Variants in MYO16 observed in about 807,000 individuals in gnomAD.
MYO16 encodes unconventional myosin-XVI.
In MYO16, 94 loss-of-function variants were observed where a neutral mutation model predicts 205.3. The observed-to-expected ratio is 0.46, with a 90% CI of 0.39 to 0.54. The LOEUF (loss-of-function observed/expected upper bound fraction) is 0.54. Ranked by LOEUF, MYO16 falls within the 20% of genes least tolerant of loss-of-function variation. The pLI is 0.00. For missense variants in MYO16, 2,315 were observed against 2,387.5 expected, an observed-to-expected ratio of 0.97 and a Z score of 0.63; for synonymous variants, 988 against 954.0, an observed-to-expected ratio of 1.04 and a Z score of -0.66.
At chr13:109,009,600 A>G (rs916430817) in intron 22 of MYO16, among the ~76,000 whole-genome samples, 2 of 152,180 alleles carry the variant, frequency 1.3e-5, no homozygotes, top group South Asian at 4.1e-4. Context: ...ATAAGCCAAA[A>G]TCTATCACAT....
At chr13:109,082,349 T>C (rs1312796205) in intron 27 of MYO16, among the ~76,000 whole-genome samples, 2 of 152,200 alleles carry the variant, frequency 1.3e-5, no homozygotes, top group African/African-American at 2.4e-5. Flanking sequence ...TAGTTTACGA[T>C]GGTAGCTGAA....
At chr13:109,182,045 C>T (rs1356789760) in intron 34 of MYO16, among the ~76,000 whole-genome samples, 1 of 152,092 alleles carries the variant, frequency 6.6e-6, no homozygotes, top group Non-Finnish European at 1.5e-5. Context: ...TCTCAAACTC[C>T]TGACCTCAGT....
In MYO16 at chr13:108,755,754, G is replaced by A. The variant is rs139074934; in HGVS notation, c.507+28171G>A. On this transcript the variant is annotated intron_variant, in intron 4 of 34. Transcript: ENST00000457511. ...TGATTGCCAACATATTTTTACTTAA[G>A]TTACTATGTGAAGTGGTTTGTGGCT... is the stretch of plus-strand genomic sequence containing the variant. Among the ~76,000 whole-genome samples the A allele has an allele frequency of 5.0e-3, 768 of 152,082 alleles. 5 individuals carry two copies. The highest frequency in any genetic ancestry group is 0.017 in the African/African-American group (716 of 41,424).
At chr13:108,973,267 T>TA (rs1403422746) in intron 20 of MYO16, among the ~76,000 whole-genome samples, 1 of 152,158 alleles carries the variant, frequency 6.6e-6, no homozygotes, top group Admixed American at 6.6e-5. Flanking sequence ...TGCTACCCAG[T>TA]ATAATTGTAT....
At chr13:109,155,263 G>T (rs1002540192) in intron 32 of MYO16, among the ~76,000 whole-genome samples, 2 of 152,142 alleles carry the variant, frequency 1.3e-5, no homozygotes, top group Non-Finnish European at 2.9e-5. Context: ...AGGAGTGAAG[G>T]AGGAGCAGAC....
At chr13:109,147,187 A>C (rs1877381659) in intron 32 of MYO16, among the ~76,000 whole-genome samples, 1 of 152,082 alleles carries the variant, frequency 6.6e-6, no homozygotes, top group Non-Finnish European at 1.5e-5. Context: ...AAAAAAAAAA[A>C]GATTCTAAAT....
chr13:109,148,936 C>T (rs752625099), intron 32 of MYO16, among the ~76,000 whole-genome samples: 1 of 152,074 alleles, frequency 6.6e-6, no homozygotes, highest in African/African-American at 2.4e-5. Flanking sequence ...TAGGTTGAGA[C>T]ATGAAACTTC....
At chr13:109,077,481 T>C (rs1452658667) in intron 27 of MYO16, among the ~76,000 whole-genome samples, 1 of 152,214 alleles carries the variant, frequency 6.6e-6, no homozygotes, top group African/African-American at 2.4e-5. Flanking sequence ...GAATTTGCAT[T>C]GACACATTAT....
chr13:108,853,011 G>C (rs1877964230), intron 10 of MYO16, among the ~76,000 whole-genome samples: 1 of 152,136 alleles, frequency 6.6e-6, no homozygotes, highest in Admixed American at 6.5e-5. Flanking sequence ...TTTGAAGTAG[G>C]GAAGCTCAAA....
At chr13:109,085,986 T>G (rs536491831) in intron 27 of MYO16, among the ~76,000 whole-genome samples, 2 of 152,268 alleles carry the variant, frequency 1.3e-5, no homozygotes, top group Non-Finnish European at 2.9e-5. Flanking sequence ...TGCCCAAAAC[T>G]CCAGTCTCTG....
In MYO16 at chr13:109,141,088, G is replaced by T; in HGVS notation, c.4876G>T (p.Ala1626Ser). ...AFPPEPAPVN[A>S]GKAGPSAEAP... Reference sequence around the variant, plus strand: ...CCCGCCGGAGCCCGCCCCGGTGAACGCGGGGAAAGCGGGGCCGAGCGCAGA... The same window carrying T: ...CCCGCCGGAGCCCGCCCCGGTGAACTCGGGGAAAGCGGGGCCGAGCGCAGA... Residue 1626 changes from alanine (A) to serine (S), a missense_variant, in exon 32 of 35, where the codon GCG becomes TCG. By Grantham distance (99) the Ala-to-Ser change is moderately conservative. Around this residue, in one of 3 missense-constraint regions of MYO16, gnomAD observed 1,097 missense variants for 1,092.0 expected, o/e 1.00. Transcript: ENST00000457511. The surrounding 1 kb of genome is among the most constrained non-coding windows in gnomAD (Gnocchi z 4.1). The T allele has an allele frequency of 6.8e-7, 1 of 1,477,522 alleles. No homozygotes were observed. Among genetic ancestry groups the T allele is most frequent in the Non-Finnish European group, 9.0e-7 (1 of 1,116,762 alleles). The allele number at this position is 1,477,522 out of a possible 1,614,324, so 91.5% of individuals were successfully genotyped here. A position where few individuals can be genotyped will look rare whatever the true frequency, so the allele number is the denominator to read the frequency against.
At chr13:108,670,213 A>G (rs906635759) in intron 2 of MYO16, among the ~76,000 whole-genome samples, 4 of 152,182 alleles carry the variant, frequency 2.6e-5, no homozygotes, top group African/African-American at 9.7e-5. Context: ...TGCCCACTGG[A>G]TGGGCTTGGC....
chr13:109,111,680 T>C (rs191110185), intron 28 of MYO16, among the ~76,000 whole-genome samples: 23 of 151,472 alleles, frequency 1.5e-4, no homozygotes, highest in Admixed American at 1.4e-3. Context: ...AATATTCCAA[T>C]GATTGTAGAC....
At chr13:109,182,055 T>C (rs1040490033) in intron 34 of MYO16, among the ~76,000 whole-genome samples, 1 of 152,114 alleles carries the variant, frequency 6.6e-6, no homozygotes, top group Non-Finnish European at 1.5e-5. Flanking sequence ...CTGACCTCAG[T>C]GATCCGTCCG....
chr13:108,656,993 C>T (rs749285986), intron 1 of MYO16, among the ~76,000 whole-genome samples: 63 of 152,222 alleles, frequency 4.1e-4, no homozygotes, highest in Admixed American at 1.8e-3. Flanking sequence ...CCACACATCC[C>T]TCTAAGAGGC....
intron 14 of MYO16, among the ~76,000 whole-genome samples, chr13:108,889,862 C>T (rs948800102): frequency 3.3e-5 from 5 of 152,162 alleles, no homozygotes; most frequent in African/African-American, 1.2e-4. Context: ...CCTGGACATG[C>T]CACAGTGTAC....
the MYO16 span, among the ~76,000 whole-genome samples, chr13:108,510,461 G>GTTTTTTTTTTTTTTT: frequency 2.2e-5 from 1 of 45,920 alleles, no homozygotes. Context: ...ATTGATAGCT[G>GTTTTTTTTTTTTTTT]TTTTTTTTTT....
chr13:108,893,375 T>G (rs982168926), intron 14 of MYO16, among the ~76,000 whole-genome samples: 4 of 151,638 alleles, frequency 2.6e-5, no homozygotes, highest in Non-Finnish European at 5.9e-5. Flanking sequence ...GCAAAACTAT[T>G]TCCTGTCTGC....
At chr13:109,080,629 T>A (rs543104330) in intron 27 of MYO16, among the ~76,000 whole-genome samples, 79 of 152,090 alleles carry the variant, frequency 5.2e-4, no homozygotes, top group African/African-American at 1.8e-3. Flanking sequence ...ACCTTCTTTG[T>A]CCACAATAGA....
Sources: gnomAD v4.1 joint callset for allele counts (sites outside exome capture counted in the v4.1 genomes callset) on GRCh38, gnomAD v4.1.1 for gene constraint, gnomAD v4.1.1 regional missense constraint, Gnocchi (gnomAD v3.1) non-coding constraint, MANE v1.5 for transcripts, NCBI Gene and HGNC (gene_info 2026-07-23, HGNC 2026-07-21) for gene names.